RMDN3: variants seen among roughly 807,000 people sequenced by gnomAD.
The protein encoded by RMDN3 is regulator of microtubule dynamics protein 3.
In RMDN3, 41 loss-of-function variants were observed where a neutral mutation model predicts 61.8. The ratio of observed to expected loss-of-function variants is 0.66; its 90% CI spans 0.52 to 0.86. The LOEUF is 0.86. RMDN3 is among the 40% of genes least tolerant of loss of function. The pLI, the probability that RMDN3 is intolerant of heterozygous loss-of-function variation, is 0.00. For synonymous variants in RMDN3, 247 were observed against 232.0 expected (o/e 1.06, Z -0.59); for missense variants, 557 against 585.3 (o/e 0.95, Z 0.50).
chr15:40,737,249 A>G lies in RMDN3; in HGVS notation c.1278+39T>C, dbSNP rs757533540. ...AAACCTGATACTGTGTACTTTCAGG[A>G]GTTCCCAGATCTATGTTGAAGTAGA... On this transcript the variant is annotated intron_variant, in intron 11 of 12. Coordinates refer to ENST00000338376, the MANE Select transcript of RMDN3 (RefSeq NM_018145.3). The G allele has an allele frequency of 7.4e-6, 12 of 1,611,102 alleles. No homozygotes were observed. In the South Asian group the frequency reaches 1.3e-4, roughly 18 times the overall value.
intron 6 of RMDN3, among the ~76,000 whole-genome samples, chr15:40,740,867 C>T (rs937825590): frequency 5.9e-5 from 9 of 152,142 alleles, no homozygotes; most frequent in African/African-American, 2.2e-4. Flanking sequence ...GGGTGGATCA[C>T]TTGAGGCCAA....
chr15:40,736,621 G>T, intron 12 of RMDN3, 27 bp from the exon 13 acceptor site: 2 of 1,609,198 alleles, frequency 1.2e-6, no homozygotes, highest in East Asian at 2.2e-5. Flanking sequence ...CAAATCTAGG[G>T]CTCAAAATTT....
At chr15:40,754,127 CT>C (rs71428308) in intron 2 of RMDN3, among the ~76,000 whole-genome samples, 87 of 123,830 alleles carry the variant, frequency 7.0e-4, no homozygotes, top group Middle Eastern at 4.6e-3. Flanking sequence ...ACCACGACTG[CT>C]TTTTTTTTTT....
rs184478912 is a variant in RMDN3, at chr15:40,737,280, G to A, written c.1278+8C>T. On this transcript the variant is annotated splice_region_variant and intron_variant, in intron 11 of 12. Coordinates refer to ENST00000338376, the MANE Select transcript of RMDN3 (RefSeq NM_018145.3). ...CAGATCTATGTTGAAGTAGACAAAT[G>A]AGTTTACCTTGGAAATATATACCCT... 87 of 1,613,754 alleles carry A rather than the reference G, an allele frequency of 5.4e-5. No individual in the cohort carries two copies. In the African/African-American group the frequency reaches 1.0e-3, roughly 19 times the overall value.
chr15:40,738,827 C>CCACAGTAAATCTCTCTTA (rs553507902), intron 7 of RMDN3: 2 of 543,106 alleles, frequency 3.7e-6, no homozygotes, highest in Admixed American at 3.2e-5. Context: ...GCTGGGTTCA[C>CCACAGTAAATCTCTCTTA]CACAGTAAAT....
At chr15:40,754,488 C>CCTG in intron 2 of RMDN3, 109 bp downstream of exon 2, 1 of 1,165,306 alleles carries the variant, frequency 8.6e-7, no homozygotes, top group Non-Finnish European at 1.2e-6. Context: ...AAAGTGAAAC[C>CCTG]CTAAAGCACT....
chr15:40,738,655 G>A, intron 7 of RMDN3, 79 bp from the exon 8 acceptor site: 1 of 1,403,376 alleles, frequency 7.1e-7, no homozygotes, highest in Non-Finnish European at 1.0e-6. Context: ...CCACAGCCTA[G>A]TTGCATTGTC....
chr15:40,745,208 T>C lies in RMDN3; in HGVS notation c.576A>G (p.Glu192=). 6.2e-7 allele frequency: 1 copy of C among 1,614,098 alleles called. No individual in the cohort carries two copies. Among genetic ancestry groups the C allele is most frequent in the Non-Finnish European group, 8.5e-7 (1 of 1,180,022 alleles). The change falls in exon 5 of 13, where the codon GAA becomes GAG. Residue 192 remains glutamate (E), a synonymous_variant. Coordinates refer to ENST00000338376, the MANE Select transcript of RMDN3 (RefSeq NM_018145.3). ...ESDNERDSDK[E]SEDGEDEVSC... ...TCACTTCATCTTCCCCGTCCTCACT[T>C]TCTTTGTCAGAGTCCCGCTCATTGT...
chr15:40,738,650 G>A (rs1240482867), intron 7 of RMDN3, 74 bp from the exon 8 acceptor site: 3 of 1,450,708 alleles, frequency 2.1e-6, no homozygotes, highest in Non-Finnish European at 2.9e-6. Context: ...CCCAACCACA[G>A]CCTAGTTGCA....
At chr15:40,741,337 C>A (rs1897268879) in intron 6 of RMDN3, among the ~76,000 whole-genome samples, 1 of 151,712 alleles carries the variant, frequency 6.6e-6, no homozygotes. Flanking sequence ...CAGACCCCAT[C>A]TCTTTAAAAA....
intron 12 of RMDN3, 72 bp from the exon 13 acceptor site, chr15:40,736,666 A>G: frequency 7.5e-7 from 1 of 1,341,280 alleles, no homozygotes; most frequent in South Asian, 1.2e-5. Flanking sequence ...GGAACCTAAG[A>G]AGAGGGGCCC....
At chr15:40,749,192 C>T (rs527539145) in intron 4 of RMDN3, among the ~76,000 whole-genome samples, 18 of 152,330 alleles carry the variant, frequency 1.2e-4, no homozygotes, top group African/African-American at 3.6e-4. Flanking sequence ...CCTGAGCCAC[C>T]GCGCCTGGCC....
At position 40,751,945 on chromosome 15, in the gene RMDN3, C is replaced by T; in HGVS notation, c.380+41G>A. ...AGAACACACCCCAGCTGAAAAGCTG[C>T]AGGGGAGGGATAAAGCAGGAGAAGA... On this transcript the variant is annotated intron_variant, in intron 3 of 12. Coordinates refer to ENST00000338376, the MANE Select transcript of RMDN3 (RefSeq NM_018145.3). The T allele has an allele frequency of 2.5e-6, 4 of 1,590,464 alleles. No homozygotes were observed. The East Asian group carries it at 6.7e-5, about 27-fold the overall frequency.
At chr15:40,749,671 G>A (rs1897730294) in intron 4 of RMDN3, among the ~76,000 whole-genome samples, 2 of 152,196 alleles carry the variant, frequency 1.3e-5, no homozygotes, top group African/African-American at 2.4e-5. Flanking sequence ...TTGCAGAGAT[G>A]TTCTTTACAT....
intron 6 of RMDN3, among the ~76,000 whole-genome samples, chr15:40,742,208 A>G (rs1897313207): frequency 9.1e-6 from 1 of 110,212 alleles, no homozygotes; most frequent in Non-Finnish European, 1.9e-5. Context: ...AGGTCTCACT[A>G]TATTGCCCAG....
At chr15:40,751,338 G>T in intron 4 of RMDN3, 88 bp downstream of exon 4, 1 of 1,502,732 alleles carries the variant, frequency 6.7e-7, no homozygotes. Context: ...ATCATTTGCA[G>T]CAGCTTGGTT....
At chr15:40,748,043 G>C (rs1380229092) in intron 4 of RMDN3, among the ~76,000 whole-genome samples, 2 of 152,174 alleles carry the variant, frequency 1.3e-5, no homozygotes, top group Non-Finnish European at 1.5e-5. Context: ...TTCTGACAGA[G>C]GGAACTCAAG....
At chr15:40,753,419 C>T (rs1185758806) in intron 2 of RMDN3, among the ~76,000 whole-genome samples, 1 of 151,868 alleles carries the variant, frequency 6.6e-6, no homozygotes, top group Non-Finnish European at 1.5e-5. Flanking sequence ...GGCTGAGGCA[C>T]GAGAATCACT....
rs751459466 is a variant in RMDN3, at chr15:40,737,133, G to A, written c.1350C>T (p.Val450=). The change falls in exon 12 of 13, where the codon GTC becomes GTT. Residue 450 remains valine, a synonymous_variant. Transcript: ENST00000338376. The part of the protein sequence containing the change: ...WMKLALELPD[V]TKEDLAIQKD... ...TATTAAAAAGCCTTACCTCCTTCGTGACATCTGGCAGCTCCAGGGCCAACT... is the reference window on the plus strand; with the variant it reads ...TATTAAAAAGCCTTACCTCCTTCGTAACATCTGGCAGCTCCAGGGCCAACT... 6.2e-7 allele frequency: 1 copy of A among 1,613,900 alleles called. No homozygotes were observed. The highest frequency in any genetic ancestry group is 8.5e-7 in the Non-Finnish European group (1 of 1,179,894).
Sources: allele counts gnomAD v4.1 joint callset (sites outside exome capture counted in the v4.1 genomes callset), GRCh38; gene constraint gnomAD v4.1.1; transcripts MANE v1.5; gene names NCBI Gene and HGNC (gene_info 2026-07-23, HGNC 2026-07-21).